Variants in VRK1 observed in about 807,000 individuals in gnomAD.
The protein encoded by VRK1 is VRK serine/threonine kinase 1.
In VRK1, 33 loss-of-function variants were observed where a neutral mutation model predicts 57.1. That is an observed-to-expected ratio of 0.58 (90% CI 0.44 to 0.77). The LOEUF (loss-of-function observed/expected upper bound fraction) is 0.77. Ranked by LOEUF, VRK1 falls within the 30% of genes least tolerant of loss-of-function variation. The pLI is 0.00. For missense variants in VRK1, 413 were observed against 477.3 expected (o/e 0.87, Z 1.25); for synonymous variants, 137 against 147.8 (o/e 0.93, Z 0.53).
intron 3 of VRK1, among the ~76,000 whole-genome samples, chr14:96,839,109 G>A (rs1259108709): frequency 7.3e-6 from 1 of 137,088 alleles, no homozygotes; most frequent in Non-Finnish European, 1.6e-5. Flanking sequence ...TTTTTGCCGT[G>A]AATGAGTTAT....
At chr14:96,849,619 T>A (rs1264607072) in intron 5 of VRK1, among the ~76,000 whole-genome samples, 3 of 152,176 alleles carry the variant, frequency 2.0e-5, no homozygotes. Context: ...ACTTTATGAA[T>A]TACTGTGAAG....
At chr14:96,860,464 G>T in intron 10 of VRK1, 93 bp from the exon 11 acceptor site, 1 of 1,250,666 alleles carries the variant, frequency 8.0e-7, no homozygotes, top group Admixed American at 2.3e-5. Context: ...ATGTGTATTT[G>T]CATTCTAACT....
intron 1 of VRK1, among the ~76,000 whole-genome samples, chr14:96,817,578 A>T (rs1367011862): frequency 6.6e-6 from 1 of 152,096 alleles, no homozygotes; most frequent in African/African-American, 2.4e-5. Flanking sequence ...GAGTATTTGG[A>T]AATATTCTCC....
intron 11 of VRK1, among the ~76,000 whole-genome samples, chr14:96,866,085 T>C (rs1358251593): frequency 1.3e-5 from 2 of 152,144 alleles, no homozygotes; most frequent in Non-Finnish European, 2.9e-5. Context: ...TTTTTCAGTT[T>C]CTTTTCTTGT....
intron 11 of VRK1, among the ~76,000 whole-genome samples, chr14:96,869,373 A>C (rs935343815): frequency 6.6e-6 from 1 of 152,220 alleles, no homozygotes; most frequent in Admixed American, 6.5e-5. Context: ...CCTTCTAATA[A>C]ACTAAGATCT....
At chr14:96,861,739 A>G (rs1329906692) in intron 11 of VRK1, among the ~76,000 whole-genome samples, 1 of 152,206 alleles carries the variant, frequency 6.6e-6, no homozygotes, top group Non-Finnish European at 1.5e-5. Flanking sequence ...GAAATTATAT[A>G]CATGCATCTA....
At chr14:96,815,598 A>G (rs547169985) in intron 1 of VRK1, among the ~76,000 whole-genome samples, 2 of 152,124 alleles carry the variant, frequency 1.3e-5, no homozygotes, top group African/African-American at 2.4e-5. Flanking sequence ...CAAATGAGAA[A>G]AAAAGCCGGG....
At chr14:96,847,393 CTATT>C in intron 5 of VRK1, 49 bp downstream of exon 5, 3 of 1,482,708 alleles carry the variant, frequency 2.0e-6, no homozygotes, top group Non-Finnish European at 2.8e-6. Flanking sequence ...GCAACATTCA[CTATT>C]TAGTTGGTTT....
chr14:96,876,422 C>T (rs1378140119), intron 12 of VRK1, among the ~76,000 whole-genome samples: 17 of 152,090 alleles, frequency 1.1e-4, no homozygotes, highest in Non-Finnish European at 2.5e-4. Context: ...GTAGTCTCAG[C>T]TACTCAGGAG....
intron 1 of VRK1, among the ~76,000 whole-genome samples, chr14:96,806,055 C>A (rs930286890): frequency 2.1e-5 from 3 of 146,264 alleles, no homozygotes; most frequent in Non-Finnish European, 3.0e-5. Context: ...TTAAAACTAT[C>A]ATTGCTTGGC....
chr14:96,858,011 C>T (rs185102610), intron 10 of VRK1, among the ~76,000 whole-genome samples: 227 of 152,252 alleles, frequency 1.5e-3, no homozygotes, highest in Non-Finnish European at 2.5e-3. Context: ...CCTTTTCTTT[C>T]ACTTAGTAAT....
intron 11 of VRK1, among the ~76,000 whole-genome samples, chr14:96,861,576 G>A (rs896174815): frequency 6.6e-6 from 1 of 151,974 alleles, no homozygotes; most frequent in East Asian, 1.9e-4. Flanking sequence ...CTGAGAAAAA[G>A]CGTTAAAACA....
chr14:96,836,400 A>G lies in VRK1; in HGVS notation c.161-1362A>G, dbSNP rs143774939. Among the ~76,000 whole-genome samples the G allele has an allele frequency of 1.3e-3, 191 of 151,476 alleles. 3 individuals are homozygous for G. Among genetic ancestry groups the G allele is most frequent in the African/African-American group, 4.2e-3 (174 of 41,226 alleles). Reference sequence around the variant, plus strand: ...AACCTTTATGTTACCTGTTAAGCCCATCGTGTTTGTTCCCTGCTGCTTTCT... The same window carrying G: ...AACCTTTATGTTACCTGTTAAGCCCGTCGTGTTTGTTCCCTGCTGCTTTCT... On this transcript the variant is annotated intron_variant, in intron 2 of 12. Transcript: ENST00000216639.
At chr14:96,839,577 T>G (rs555844905) in intron 3 of VRK1, among the ~76,000 whole-genome samples, 12 of 152,334 alleles carry the variant, frequency 7.9e-5, no homozygotes, top group Non-Finnish European at 1.3e-4. Context: ...AGTTTCAGTT[T>G]GCACGTGCTT....
intron 11 of VRK1, chr14:96,860,947 C>G: frequency 2.5e-6 from 1 of 402,866 alleles, no homozygotes; most frequent in Admixed American, 4.0e-5. Flanking sequence ...TTACTAAATT[C>G]CTGAACTGAT....
At chr14:96,805,630 CA>C (rs1047635770) in intron 1 of VRK1, among the ~76,000 whole-genome samples, 1 of 152,022 alleles carries the variant, frequency 6.6e-6, no homozygotes, top group Non-Finnish European at 1.5e-5. Flanking sequence ...AATCAGTCAA[CA>C]AATAGAACCT....
At chr14:96,806,541 C>T (rs1221554066) in intron 1 of VRK1, among the ~76,000 whole-genome samples, 2 of 152,240 alleles carry the variant, frequency 1.3e-5, no homozygotes, top group East Asian at 3.9e-4. Context: ...AAAATTGGGT[C>T]AGGTAGATCT....
At chr14:96,837,488 TAAAG>T (rs1313065489) in intron 2 of VRK1, among the ~76,000 whole-genome samples, 6 of 152,222 alleles carry the variant, frequency 3.9e-5, no homozygotes, top group Non-Finnish European at 8.8e-5. Context: ...ACTTTTGAAT[TAAAG>T]AAATCTTTAA....
At position 96,825,183 on chromosome 14, in the gene VRK1, GA is replaced by G. The variant is rs1203721454; in HGVS notation, c.-5-8282del. Among the ~76,000 whole-genome samples the G allele has an allele frequency of 7.2e-5, 11 of 152,298 alleles. No individual in the cohort carries two copies. In the South Asian group the frequency reaches 2.3e-3, roughly 32 times the overall value. The stretch of plus-strand genomic sequence containing the variant: ...GAGAGAAGGAAGCTAGGATTGGCTT[GA>G]AGTGGGTGCAGGTGGTTTGTAGGTG... On this transcript the variant is annotated intron_variant, in intron 1 of 12. Transcript: ENST00000216639.
Sources: allele counts gnomAD v4.1 joint callset (sites outside exome capture counted in the v4.1 genomes callset), GRCh38; gene constraint gnomAD v4.1.1; transcripts MANE v1.5; gene names NCBI Gene and HGNC (gene_info 2026-07-23, HGNC 2026-07-21).